The following GPM6B variants were observed in gnomAD, a reference collection of about 807,000 sequenced individuals.
GPM6B encodes the protein glycoprotein M6B.
A neutral mutation model predicts 27.2 loss-of-function variants in GPM6B; 4 were observed. The ratio of observed to expected loss-of-function variants is 0.15; its 90% confidence interval spans 0.07 to 0.34. The LOEUF is 0.34. GPM6B is among the 10% of genes least tolerant of loss of function. The probability of loss-of-function intolerance (pLI) is 1.00; values close to 1 mark genes in which losing one functional copy is unlikely to be tolerated. For missense variants in GPM6B, 183 were observed against 261.9 expected, an observed-to-expected ratio of 0.70 and a Z score of 2.08; for synonymous variants, 124 against 103.1, an observed-to-expected ratio of 1.20 and a Z score of -1.23.
chrX:13,824,119 T>C (rs1432089344), intron 1 of GPM6B, among the ~76,000 whole-genome samples: 2 of 111,991 alleles, frequency 1.8e-5, no homozygotes, highest in Admixed American at 1.9e-4. Flanking sequence ...TGTGAGGCTG[T>C]CCTGGGCATT....
chrX:13,789,059 C>T (rs1334466172), intron 2 of GPM6B, among the ~76,000 whole-genome samples: 9 of 111,872 alleles, frequency 8.0e-5, no homozygotes. Flanking sequence ...ACAGATAAAA[C>T]TCTTACGGAC....
intron 1 of GPM6B, among the ~76,000 whole-genome samples, chrX:13,853,190 G>A (rs975969742): frequency 1.8e-5 from 2 of 111,074 alleles, no homozygotes; most frequent in African/African-American, 3.3e-5. Context: ...AGGTACCTGC[G>A]TCCCAAAGAC....
chrX:13,773,773 G>T (rs2048348509), intron 7 of GPM6B: 1 of 117,155 alleles, frequency 8.5e-6, no homozygotes, highest in Non-Finnish European at 1.7e-5. Context: ...ACATATTTGA[G>T]ACCTTCAGGT....
intron 1 of GPM6B, among the ~76,000 whole-genome samples, chrX:13,899,264 A>G (rs2050259585): frequency 9.2e-6 from 1 of 108,209 alleles, no homozygotes; most frequent in African/African-American, 3.4e-5. Context: ...TACAAAAATT[A>G]GCCATGCGTG....
intron 1 of GPM6B, among the ~76,000 whole-genome samples, chrX:13,909,120 C>CTTTTTTTTTTTTTTTTTTTTTTTTTTTT (rs368081524): frequency 1.4e-5 from 1 of 69,860 alleles, no homozygotes; most frequent in Non-Finnish European, 2.5e-5. Context: ...TGTTCATATC[C>CTTTTTTTTTTTTTTTTTTTTTTTTTTTT]TTTTTTTTTT....
At chrX:13,782,244 A>G (rs1380660810) in intron 4 of GPM6B, among the ~76,000 whole-genome samples, 1 of 111,813 alleles carries the variant, frequency 8.9e-6, no homozygotes, top group African/African-American at 3.3e-5. Flanking sequence ...ACAAAATCTG[A>G]CATAAGAGCT....
rs761891419 is a variant in GPM6B, at chrX:13,877,824, C to CAAAAAAAAA, written c.-198+60494_-198+60502dup. 4.7e-3 allele frequency among the ~76,000 whole-genome samples: 130 copies of CAAAAAAAAA among 27,460 alleles called. 16 individuals carry two copies. Among genetic ancestry groups the CAAAAAAAAA allele is most frequent in the African/African-American group, 0.016 (85 of 5,449 alleles). 23.8% of individuals were successfully genotyped at this position (27,460 alleles called of 115,157 possible). A position where few individuals can be genotyped will look rare whatever the true frequency, so the allele number is the denominator to read the frequency against. Reference sequence around the variant, plus strand: ...CCTGGGCATTAGAGCCAGACTCTGCCAAAAAAAAAAAAAAAAAAAAAAAAA... The same window carrying CAAAAAAAAA: ...CCTGGGCATTAGAGCCAGACTCTGCCAAAAAAAAAAAAAAAAAAAAAAAAAAAAAAAAAA... On this transcript the variant is annotated intron_variant, in intron 1 of 6. Coordinates refer to the GPM6B transcript ENST00000398361.
intron 1 of GPM6B, among the ~76,000 whole-genome samples, chrX:13,809,693 C>T (rs12382466): frequency 0.078 from 8,520 of 109,899 alleles, 539 homozygotes; most frequent in African/African-American, 0.2. Context: ...TTCCAACACT[C>T]TGGGAGGCCG....
intron 1 of GPM6B, among the ~76,000 whole-genome samples, chrX:13,809,034 T>C (rs1432502486): frequency 8.9e-6 from 1 of 112,371 alleles, no homozygotes; most frequent in African/African-American, 3.2e-5. Flanking sequence ...TCAATGATGA[T>C]GACAGCAAAA....
At chrX:13,780,233 C>A (rs1274122250) in intron 4 of GPM6B, among the ~76,000 whole-genome samples, 1 of 111,317 alleles carries the variant, frequency 9.0e-6, no homozygotes, top group Non-Finnish European at 1.9e-5. Context: ...CAGGGCCTTT[C>A]GGGTCACTCT....
chrX:13,920,352 G>A (rs1253682324), intron 1 of GPM6B, among the ~76,000 whole-genome samples: 2 of 107,627 alleles, frequency 1.9e-5, no homozygotes, highest in African/African-American at 6.8e-5. Flanking sequence ...TTCAGTATCA[G>A]GCTGGAAACG....
intron 1 of GPM6B, among the ~76,000 whole-genome samples, chrX:13,867,659 G>A (rs1366089692): frequency 9.0e-6 from 1 of 111,582 alleles, no homozygotes; most frequent in Non-Finnish European, 1.9e-5. Context: ...TAGGAAGTGA[G>A]GCCAACCCAT....
chrX:13,865,559 A>G (rs111728718), intron 1 of GPM6B, among the ~76,000 whole-genome samples: 9 of 52,925 alleles, frequency 1.7e-4, no homozygotes, highest in South Asian at 9.4e-4. Context: ...AAAAAAAAAA[A>G]AAAGAAAGAA....
intron 1 of GPM6B, among the ~76,000 whole-genome samples, chrX:13,876,670 C>T: frequency 9.0e-6 from 1 of 110,926 alleles, no homozygotes; most frequent in Non-Finnish European, 1.9e-5. Context: ...ACTGCTGACT[C>T]TGAAGGCAGA....
intron 1 of GPM6B, among the ~76,000 whole-genome samples, chrX:13,861,786 A>G (rs1368082399): frequency 3.6e-5 from 4 of 112,024 alleles, no homozygotes; most frequent in Admixed American, 2.8e-4. Context: ...CAACCTCACA[A>G]CAGAAACAAA....
At chrX:13,873,321 C>A (rs918458035) in intron 1 of GPM6B, among the ~76,000 whole-genome samples, 2 of 110,545 alleles carry the variant, frequency 1.8e-5, no homozygotes, top group East Asian at 5.7e-4. Context: ...CTTCAGAGAG[C>A]GACAGAGAGT....
At chrX:13,833,550 T>TAAAAAAAAAAAAAAAA (rs755832950) in intron 1 of GPM6B, among the ~76,000 whole-genome samples, 9 of 71,521 alleles carry the variant, frequency 1.3e-4, no homozygotes, top group African/African-American at 4.2e-4. Flanking sequence ...CTCTATCTCT[T>TAAAAAAAAAAAAAAAA]AAAAAAAAAA....
intron 1 of GPM6B, among the ~76,000 whole-genome samples, chrX:13,927,164 A>G: frequency 2.2e-5 from 1 of 45,580 alleles, no homozygotes; most frequent in East Asian, 3.6e-4. Flanking sequence ...GAAATTCAAC[A>G]TAAAAAAAAA....
intron 7 of GPM6B, 48 bp downstream of exon 7, chrX:13,776,190 G>C (rs2048409676): frequency 9.9e-7 from 1 of 1,011,445 alleles, no homozygotes. Flanking sequence ...TCATTTAGAA[G>C]CTGGAGGGAG....
Sources: gnomAD v4.1 joint callset for allele counts (sites outside exome capture counted in the v4.1 genomes callset) on GRCh38, gnomAD v4.1.1 for gene constraint, MANE v1.5 for transcripts, NCBI Gene and HGNC (gene_info 2026-07-23, HGNC 2026-07-21) for gene names.